The following TNS1 variants were observed in gnomAD, a reference collection of about 807,000 sequenced individuals.
TNS1 encodes the protein tensin-1.
Under a neutral mutation model 168.6 loss-of-function variants are expected in TNS1, and 62 were observed. That is an observed-to-expected ratio of 0.37 (90% confidence interval 0.30 to 0.45). The LOEUF is 0.45. Among genes scored for constraint, TNS1 ranks in the 20% least tolerant of loss-of-function variants. The probability of loss-of-function intolerance (pLI) is 1.00; values close to 1 mark genes in which losing one functional copy is unlikely to be tolerated. For missense variants in TNS1, 2,240 were observed against 2,339.4 expected, an observed-to-expected ratio of 0.96 and a Z score of 0.88; for synonymous variants, 934 against 933.2, an observed-to-expected ratio of 1.00 and a Z score of -0.02.
intron 19 of TNS1, among the ~76,000 whole-genome samples, chr2:217,843,623 C>A (rs984700761): frequency 1.3e-5 from 2 of 152,170 alleles, no homozygotes; most frequent in African/African-American, 4.8e-5. Context: ...AATTTGCAAG[C>A]CCAGTGGATT....
chr2:217,860,001 AGCTTCAGC>A (rs1353967633), intron 18 of TNS1, among the ~76,000 whole-genome samples: 1 of 152,158 alleles, frequency 6.6e-6, no homozygotes, highest in African/African-American at 2.4e-5. Context: ...GGCCAGTGGG[AGCTTCAGC>A]GACTGGTGTC....
chr2:217,946,668 C>T (rs766495723), intron 3 of TNS1, among the ~76,000 whole-genome samples: 10 of 152,036 alleles, frequency 6.6e-5, no homozygotes, highest in Non-Finnish European at 1.5e-4. Flanking sequence ...GACGGGGCGA[C>T]CTGGAAGACC....
chr2:217,900,197 G>T lies in TNS1; in HGVS notation c.371+266C>A, dbSNP rs570982408. The stretch of plus-strand genomic sequence containing the variant: ...TGCTCTACCAAAGGGAATAAAATAC[G>T]TACCTTGCGGGGTTGTTGCAAGGAC... On this transcript the variant is annotated intron_variant, in intron 7 of 32. Coordinates refer to ENST00000682258, the MANE Select transcript of TNS1 (RefSeq NM_001387777.1). Among the ~76,000 whole-genome samples, 3 of 152,320 alleles carry T rather than the reference G, an allele frequency of 2.0e-5. No individual in the cohort carries two copies. In the South Asian group the frequency reaches 6.2e-4, roughly 32 times the overall value.
chr2:217,958,196 T>C (rs967547403), intron 3 of TNS1, among the ~76,000 whole-genome samples: 1 of 151,988 alleles, frequency 6.6e-6, no homozygotes, highest in Non-Finnish European at 1.5e-5. Context: ...ACATAAAAGG[T>C]TTAAAAAAAA....
At chr2:217,830,301 T>C (rs1296054288) in intron 22 of TNS1, 1 of 1,605,892 alleles carries the variant, frequency 6.2e-7, no homozygotes, top group African/African-American at 1.3e-5. Context: ...GCCGACACTC[T>C]GAGTGGGAGG....
chr2:217,915,307 C>T (rs374606378), intron 4 of TNS1, among the ~76,000 whole-genome samples: 2 of 152,168 alleles, frequency 1.3e-5, no homozygotes, highest in African/African-American at 2.4e-5. Flanking sequence ...TCTGACACTG[C>T]GAGACCTTCA....
intron 1 of TNS1, among the ~76,000 whole-genome samples, chr2:218,022,932 T>C (rs543766971): frequency 6.6e-6 from 1 of 152,046 alleles, no homozygotes; most frequent in South Asian, 2.1e-4. Context: ...CTGGGCTTCC[T>C]CGCCCACCCT....
At chr2:217,887,257 A>G (rs1184953009) in intron 12 of TNS1, among the ~76,000 whole-genome samples, 2 of 152,212 alleles carry the variant, frequency 1.3e-5, no homozygotes, top group African/African-American at 4.8e-5. Context: ...ATTCGAGGTA[A>G]CTAGCTTCTA....
chr2:217,947,918 G>A (rs1186325056), intron 3 of TNS1, among the ~76,000 whole-genome samples: 2 of 152,184 alleles, frequency 1.3e-5, no homozygotes, highest in Non-Finnish European at 2.9e-5. Flanking sequence ...ACAGATGCGC[G>A]TGAAAATGTG....
intron 1 of TNS1, among the ~76,000 whole-genome samples, chr2:218,022,723 G>A (rs1323851996): frequency 6.6e-6 from 1 of 151,294 alleles, no homozygotes; most frequent in African/African-American, 2.4e-5. Flanking sequence ...GCAACATGGA[G>A]GCCATTCTCA....
chr2:218,029,581 G>A (rs1427803324), intron 1 of TNS1, among the ~76,000 whole-genome samples: 3 of 152,196 alleles, frequency 2.0e-5, no homozygotes, highest in Admixed American at 1.3e-4. Flanking sequence ...GCAATGAGAA[G>A]GAACGCTCAA....
rs111657908 is a variant in TNS1, at chr2:217,945,770, G to C, written c.187-25534C>G. On this transcript the variant is annotated intron_variant, in intron 3 of 32. Coordinates refer to ENST00000682258, the MANE Select transcript of TNS1 (RefSeq NM_001387777.1). ...CACTGGTCCCAACTCTACGGCAAAG[G>C]TGACCCCAACAACATTATCCTCCTT... 9.0e-3 allele frequency among the ~76,000 whole-genome samples: 1,366 copies of C among 152,212 alleles called. 16 individuals carry two copies. Among genetic ancestry groups the C allele is most frequent in the African/African-American group, 0.031 (1,294 of 41,498 alleles).
rs1275500183 is a variant in TNS1, at chr2:217,918,036, C to T, written c.228+2159G>A. 3.3e-5 allele frequency among the ~76,000 whole-genome samples: 5 copies of T among 151,972 alleles called. 1 individual carries two copies. The highest frequency in any genetic ancestry group is 4.2e-4 in the South Asian group (2 of 4,810). ...GGTGAGAGAGGAAAATGACAAGACA[C>T]GGGTGAACGAGAAGGAGCTGAGGCA... On this transcript the variant is annotated intron_variant, in intron 4 of 32. Transcript: ENST00000682258.
intron 3 of TNS1, among the ~76,000 whole-genome samples, chr2:217,973,611 C>T (rs1401513487): frequency 2.6e-5 from 4 of 152,138 alleles, no homozygotes; most frequent in Admixed American, 1.3e-4. Context: ...CGCTTGTTCT[C>T]TCTCCTCACC....
chr2:217,937,446 C>T (rs899518617), intron 3 of TNS1, among the ~76,000 whole-genome samples: 4 of 152,136 alleles, frequency 2.6e-5, no homozygotes, highest in Admixed American at 2.0e-4. Flanking sequence ...AGCTCATGTC[C>T]CTGGGTGGAG....
chr2:218,031,074 G>A (rs1004872186), intron 1 of TNS1, among the ~76,000 whole-genome samples: 3 of 150,870 alleles, frequency 2.0e-5, no homozygotes, highest in African/African-American at 7.4e-5. Context: ...GTGTATGTGT[G>A]TGTTTGTGAG....
intron 18 of TNS1, among the ~76,000 whole-genome samples, chr2:217,871,032 G>A (rs1949726725): frequency 6.6e-6 from 1 of 152,178 alleles, no homozygotes; most frequent in Non-Finnish European, 1.5e-5. Flanking sequence ...TTAAGGAGCT[G>A]TCTCATCCAG....
At chr2:217,983,959 T>A (rs1162048899) in intron 2 of TNS1, among the ~76,000 whole-genome samples, 1 of 152,220 alleles carries the variant, frequency 6.6e-6, no homozygotes, top group Non-Finnish European at 1.5e-5. Context: ...CACATTTAAA[T>A]CAGTAAACTA....
At chr2:218,007,259 C>T (rs1461793068), upstream of TNS1, among the ~76,000 whole-genome samples, 3 of 152,280 alleles carry the variant, frequency 2.0e-5, no homozygotes, top group Middle Eastern at 3.4e-3. Context: ...CCCCCTTCCC[C>T]AGGAAAGATT....
Sources: allele counts gnomAD v4.1 joint callset (sites outside exome capture counted in the v4.1 genomes callset), GRCh38; gene constraint gnomAD v4.1.1; transcripts MANE v1.5; gene names NCBI Gene and HGNC (gene_info 2026-07-23, HGNC 2026-07-21).